Variants in KCNK2 observed in about 807,000 individuals in gnomAD.
KCNK2 encodes the protein potassium two pore domain channel subfamily K member 2.
KCNK2 carries 21 observed loss-of-function variants against 40.5 expected under a neutral mutation model. The ratio of observed to expected loss-of-function variants is 0.52; its 90% CI spans 0.37 to 0.75. The LOEUF (loss-of-function observed/expected upper bound fraction) is 0.75, where lower values mean the gene tolerates loss of function less well. Among genes scored for constraint, KCNK2 ranks in the 30% least tolerant of loss-of-function variants. The probability of loss-of-function intolerance (pLI) is 0.00; values close to 1 mark genes in which losing one functional copy is unlikely to be tolerated. For missense variants in KCNK2, 399 were observed against 531.6 expected (o/e 0.75, Z 2.45); for synonymous variants, 191 against 202.2 (o/e 0.94, Z 0.47).
chr1:215,139,900 A>G (rs1662098205), intron 3 of KCNK2, among the ~76,000 whole-genome samples: 1 of 152,158 alleles, frequency 6.6e-6, no homozygotes, highest in South Asian at 2.1e-4. Context: ...AAATAGAATA[A>G]TACAGAAGTG....
Position 215,226,801 on chromosome 1 carries a change from C to G in KCNK2, c.964-8027C>G, listed in dbSNP as rs1571752528. 2.0e-5 allele frequency among the ~76,000 whole-genome samples: 3 copies of G among 152,238 alleles called. No homozygotes were observed. The South Asian group carries it at 6.2e-4, about 32-fold the overall frequency. On this transcript the variant is annotated intron_variant, in intron 6 of 6. Coordinates refer to ENST00000444842, the MANE Select transcript of KCNK2 (RefSeq NM_001017425.3). ...ATCTGATTTAAAAGATCTATATATA[C>G]AATAGGCGTGATGTTCTTCACTTTG...
intron 6 of KCNK2, among the ~76,000 whole-genome samples, chr1:215,215,032 AAAG>A (rs1665899642): frequency 6.6e-6 from 1 of 152,208 alleles, no homozygotes; most frequent in Non-Finnish European, 1.5e-5. Flanking sequence ...CATCTGAAAG[AAAG>A]AAGATAAGGA....
intron 6 of KCNK2, among the ~76,000 whole-genome samples, chr1:215,209,837 T>TAAA (rs1665623542): frequency 1.2e-5 from 1 of 83,666 alleles, no homozygotes; most frequent in Non-Finnish European, 2.2e-5. Context: ...ATATAAAATA[T>TAAA]ATATTATATA....
chr1:215,011,853 G>A (rs888143324), intron 1 of KCNK2, among the ~76,000 whole-genome samples: 5 of 151,192 alleles, frequency 3.3e-5, no homozygotes, highest in Non-Finnish European at 5.9e-5. Flanking sequence ...TGATCCACCC[G>A]CCTCGGCCTC....
chr1:215,109,570 G>A (rs551326922), intron 2 of KCNK2, among the ~76,000 whole-genome samples: 1 of 152,098 alleles, frequency 6.6e-6, no homozygotes, highest in African/African-American at 2.4e-5. Flanking sequence ...TATTATTTGT[G>A]TGTGTGTGTG....
chr1:215,012,515 C>A (rs1378013801), intron 1 of KCNK2, among the ~76,000 whole-genome samples: 1 of 151,498 alleles, frequency 6.6e-6, no homozygotes, highest in African/African-American at 2.4e-5. Flanking sequence ...CTCTGTCACC[C>A]AGATTGGAGT....
At chr1:215,033,793 C>T (rs149728358) in intron 1 of KCNK2, among the ~76,000 whole-genome samples, 118 of 152,258 alleles carry the variant, frequency 7.7e-4, no homozygotes, top group African/African-American at 2.7e-3. Flanking sequence ...GGCAGATCTT[C>T]CCTAGTAAGA....
chr1:215,106,299 G>A lies in KCNK2; in HGVS notation c.358-18334G>A, dbSNP rs373396493. ...ATAACCATCTGACTGGTGTGAGATG[G>A]TATCTCATCGTAGTTTTGATTTTAC... On this transcript the variant is annotated intron_variant, in intron 2 of 6. Transcript: ENST00000444842. Among the ~76,000 whole-genome samples, 13 of 152,156 alleles carry A rather than the reference G, an allele frequency of 8.5e-5. No homozygotes were observed. The South Asian group carries it at 2.7e-3, about 32-fold the overall frequency.
intron 6 of KCNK2, among the ~76,000 whole-genome samples, chr1:215,208,104 AAG>A: frequency 6.6e-6 from 1 of 152,324 alleles, no homozygotes; most frequent in East Asian, 1.9e-4. Flanking sequence ...CACAATAGCA[AAG>A]ACATGGAATC....
chr1:215,131,979 G>A (rs550019004), intron 3 of KCNK2, among the ~76,000 whole-genome samples: 59 of 152,178 alleles, frequency 3.9e-4, no homozygotes, highest in Non-Finnish European at 7.1e-4. Context: ...TATTTTTCCA[G>A]TTTGGTATAA....
intron 3 of KCNK2, among the ~76,000 whole-genome samples, chr1:215,157,465 C>T (rs946824849): frequency 6.6e-6 from 1 of 152,186 alleles, no homozygotes; most frequent in African/African-American, 2.4e-5. Flanking sequence ...AATCTGCAAT[C>T]TTCTCTATTC....
At chr1:215,122,898 C>T (rs1174565182) in intron 2 of KCNK2, among the ~76,000 whole-genome samples, 1 of 151,846 alleles carries the variant, frequency 6.6e-6, no homozygotes, top group Non-Finnish European at 1.5e-5. Context: ...GCGCCCGCTA[C>T]CACGCTCGGC....
intron 6 of KCNK2, among the ~76,000 whole-genome samples, chr1:215,204,425 T>C (rs1469190343): frequency 1.3e-5 from 2 of 152,134 alleles, no homozygotes; most frequent in East Asian, 3.8e-4. Context: ...GTTAATAGTT[T>C]CTGTCTCAAA....
chr1:215,184,531 A>G (rs967661433), intron 5 of KCNK2, among the ~76,000 whole-genome samples: 2 of 152,074 alleles, frequency 1.3e-5, no homozygotes, highest in African/African-American at 2.4e-5. Flanking sequence ...GGTTTAATAG[A>G]CTCATAGTTC....
intron 2 of KCNK2, among the ~76,000 whole-genome samples, chr1:215,100,536 G>A (rs913372923): frequency 6.6e-6 from 1 of 151,888 alleles, no homozygotes; most frequent in Non-Finnish European, 1.5e-5. Context: ...TTACTTTAAA[G>A]CTTAATTTGG....
intron 3 of KCNK2, among the ~76,000 whole-genome samples, chr1:215,150,499 C>A (rs1320410741): frequency 6.6e-6 from 1 of 151,882 alleles, no homozygotes; most frequent in East Asian, 1.9e-4. Flanking sequence ...CATTTCTGAC[C>A]TTATTCTGTT....
intron 2 of KCNK2, among the ~76,000 whole-genome samples, chr1:215,095,238 C>T (rs546824124): frequency 3.3e-5 from 5 of 152,018 alleles, no homozygotes; most frequent in Admixed American, 6.6e-5. Context: ...ACAGATGAAG[C>T]GCCTTGCAGT....
chr1:215,218,550 A>G (rs932379445), intron 6 of KCNK2, among the ~76,000 whole-genome samples: 5 of 152,184 alleles, frequency 3.3e-5, no homozygotes, highest in Admixed American at 2.0e-4. Flanking sequence ...TATGCATCAC[A>G]AGTCCTAGTG....
intron 2 of KCNK2, among the ~76,000 whole-genome samples, chr1:215,104,419 GTCT>G (rs1660348811): frequency 1.3e-5 from 2 of 151,966 alleles, no homozygotes; most frequent in African/African-American, 2.4e-5. Context: ...TAACCCATAT[GTCT>G]TCTTCTTTGC....
Sources: gnomAD v4.1 joint callset for allele counts (sites outside exome capture counted in the v4.1 genomes callset) on GRCh38, gnomAD v4.1.1 for gene constraint, MANE v1.5 for transcripts, NCBI Gene and HGNC (gene_info 2026-07-23, HGNC 2026-07-21) for gene names.